The following CAST variants were observed in gnomAD, a reference collection of about 807,000 sequenced individuals.
CAST encodes the protein MIR583 host.
A neutral mutation model predicts 119.6 loss-of-function variants in CAST; 76 were observed. That is an observed-to-expected ratio of 0.64 (90% CI 0.53 to 0.77). The LOEUF (loss-of-function observed/expected upper bound fraction) is 0.77, where lower values mean the gene tolerates loss of function less well. CAST is among the 30% of genes least tolerant of loss of function. The pLI is 0.00. For synonymous variants in CAST, 319 were observed against 331.6 expected (o/e 0.96, Z 0.41); for missense variants, 953 against 946.5 (o/e 1.01, Z -0.09).
At chr5:96,335,873 A>T in the CAST span, among the ~76,000 whole-genome samples, 1 of 152,118 alleles carries the variant, frequency 6.6e-6, no homozygotes, top group Non-Finnish European at 1.5e-5. Flanking sequence ...ACTGATCATT[A>T]CATCCTGATG....
At chr5:96,318,393 T>G in the CAST span, 1 of 152,316 alleles carries the variant, frequency 6.6e-6, no homozygotes, top group African/African-American at 2.4e-5. Flanking sequence ...GCACACACAT[T>G]TCAGAGATAA....
chr5:96,122,580 A>G, the CAST span, among the ~76,000 whole-genome samples: 6 of 152,186 alleles, frequency 3.9e-5, no homozygotes, highest in Non-Finnish European at 5.9e-5. Flanking sequence ...TTCAAATCAT[A>G]ACCAGTTCGG....
the CAST span, among the ~76,000 whole-genome samples, chr5:96,445,936 C>T: frequency 6.6e-6 from 1 of 152,296 alleles, no homozygotes; most frequent in Non-Finnish European, 1.5e-5. Context: ...CAGCCTCGAC[C>T]TCCAGGACTC....
chr5:96,255,836 T>G, the CAST span, among the ~76,000 whole-genome samples: 20 of 152,294 alleles, frequency 1.3e-4, no homozygotes, highest in East Asian at 3.5e-3. Context: ...TAGTTAGACT[T>G]GAGTTGTGAA....
At chr5:96,672,835 A>G (rs1244794362) in intron 1 of CAST, among the ~76,000 whole-genome samples, 1 of 151,564 alleles carries the variant, frequency 6.6e-6, no homozygotes, top group African/African-American at 2.4e-5. Flanking sequence ...ATGGCTTTCT[A>G]TTGTGAGCAA....
chr5:96,131,418 TACACACACAC>T, the CAST span, among the ~76,000 whole-genome samples: 21 of 148,150 alleles, frequency 1.4e-4, no homozygotes, highest in African/African-American at 4.4e-4. Flanking sequence ...CTTGTTATTA[TACACACACAC>T]ACACACACAC....
intron 10 of CAST, 97 bp downstream of exon 10, chr5:96,736,337 G>A: frequency 1.5e-6 from 1 of 665,006 alleles, no homozygotes; most frequent in Non-Finnish European, 2.5e-6. Flanking sequence ...TATGAGGGGG[G>A]TAATTTAAAG....
chr5:96,757,650 C>T lies in CAST; in HGVS notation c.1829C>T (p.Ser610Phe). ...TTCTCTGGTCCACAAAATGCTTCAT[C>T]TCTTGTAAGTCCAAAACTCTTGGTT... Reference protein sequence around the residue: ...EDFSGPQNASSLKFEDAKLAA... With the variant: ...EDFSGPQNASFLKFEDAKLAA... The change falls in exon 24 of 32, where the codon TCT becomes TTT. Residue 610 changes from serine to phenylalanine, a missense_variant. By Grantham distance (155) the Ser-to-Phe change is radical (BLOSUM62 -2). Transcript: ENST00000675179. 6.3e-7 allele frequency: 1 copy of T among 1,593,074 alleles called. No homozygotes were observed. The highest frequency in any genetic ancestry group is 8.6e-7 in the Non-Finnish European group (1 of 1,162,188).
rs542011875 is a variant in CAST, at chr5:96,604,187, C to T, written c.61-71352C>T. Among the ~76,000 whole-genome samples, 3 of 152,154 alleles carry T rather than the reference C, an allele frequency of 2.0e-5. No homozygotes were observed. In the South Asian group the frequency reaches 6.2e-4, roughly 32 times the overall value. On this transcript the variant is annotated intron_variant, in intron 1 of 11. Transcript: ENST00000505143. The stretch of plus-strand genomic sequence containing the variant: ...GCTAAGCATTAGGAATTTTTCAGCT[C>T]CATATTAATCTTATGAGCCCACCTT...
At chr5:96,021,289 G>C in the CAST span, among the ~76,000 whole-genome samples, 1 of 152,044 alleles carries the variant, frequency 6.6e-6, no homozygotes, top group Non-Finnish European at 1.5e-5. Context: ...TGACTTAATA[G>C]AACTTTTTCA....
At chr5:96,399,940 A>G in the CAST span, 3 of 1,589,814 alleles carry the variant, frequency 1.9e-6, no homozygotes, top group Non-Finnish European at 2.6e-6. Context: ...TTAAAATTCC[A>G]GGAGATACTT....
intron 1 of CAST, among the ~76,000 whole-genome samples, chr5:96,596,634 G>A (rs1236404616): frequency 6.6e-6 from 1 of 152,146 alleles, no homozygotes; most frequent in Non-Finnish European, 1.5e-5. Context: ...ATGTAGCCAA[G>A]CATATGAGGG....
the CAST span, among the ~76,000 whole-genome samples, chr5:96,495,001 T>C: frequency 0.014 from 2,195 of 151,584 alleles, 57 homozygotes; most frequent in African/African-American, 0.051. Flanking sequence ...GCCTGTAGTC[T>C]CAGCTACTCG....
At chr5:96,672,722 A>AG in intron 1 of CAST, among the ~76,000 whole-genome samples, 1 of 151,402 alleles carries the variant, frequency 6.6e-6, no homozygotes, top group East Asian at 1.9e-4. Context: ...AAAAAAAAAA[A>AG]AAAAAAAGAA....
chr5:96,587,923 A>C (rs1580836273), intron 1 of CAST, among the ~76,000 whole-genome samples: 1 of 152,172 alleles, frequency 6.6e-6, no homozygotes. Context: ...TATCTCTATG[A>C]GATCATATGT....
chr5:96,043,718 C>A, the CAST span, among the ~76,000 whole-genome samples: 1 of 152,206 alleles, frequency 6.6e-6, no homozygotes, highest in African/African-American at 2.4e-5. Context: ...CTGTCCCATT[C>A]TGTATAGACT....
the CAST span, among the ~76,000 whole-genome samples, chr5:96,072,344 C>A: frequency 6.6e-6 from 1 of 152,104 alleles, no homozygotes; most frequent in East Asian, 1.9e-4. Flanking sequence ...AGGAAGCCAG[C>A]CAAAGGTTAG....
chr5:96,355,583 A>G, the CAST span, among the ~76,000 whole-genome samples: 1 of 152,218 alleles, frequency 6.6e-6, no homozygotes, highest in African/African-American at 2.4e-5. Context: ...TTCTGGTTCT[A>G]GATCCTTAAG....
intron 1 of CAST, among the ~76,000 whole-genome samples, chr5:96,621,631 C>A (rs1747607321): frequency 6.6e-6 from 1 of 152,156 alleles, no homozygotes; most frequent in Admixed American, 6.6e-5. Flanking sequence ...CTCCCGTGAG[C>A]CAATCACCTC....
Sources: allele counts gnomAD v4.1 joint callset (sites outside exome capture counted in the v4.1 genomes callset), GRCh38; gene constraint gnomAD v4.1.1; transcripts MANE v1.5; gene names NCBI Gene and HGNC (gene_info 2026-07-23, HGNC 2026-07-21).